Variants in WNT9A observed in about 807,000 individuals in gnomAD.
WNT9A encodes the protein Wnt family member 9A, also known as protein Wnt-9a.
WNT9A carries 8 observed loss-of-function variants against 31.4 expected under a neutral mutation model. That is an observed-to-expected ratio of 0.26 (90% CI 0.15 to 0.46). WNT9A has a LOEUF of 0.46. Among genes scored for constraint, WNT9A ranks in the 20% least tolerant of loss-of-function variants. WNT9A has a pLI of 0.99. For synonymous variants in WNT9A, 236 were observed against 220.1 expected (o/e 1.07, Z -0.64); for missense variants, 457 against 522.9 (o/e 0.87, Z 1.23).
chr1:227,921,616 C>A lies in WNT9A; in HGVS notation c.1000G>T (p.Val334Leu). Residue 334 changes from valine to leucine, a missense_variant, in exon 4 of 4, where the codon GTG becomes TTG. Transcript: ENST00000272164. ...TGGCACTGGCAGGGCCTTGTCACCA[C>A]CCGGCTCTGTGTGTTATGGCCGCGG... ...CGRGHNTQSRVVTRPCQCQVR... is the reference protein window; with the variant it reads ...CGRGHNTQSRLVTRPCQCQVR... 1 of 1,613,486 alleles carries A rather than the reference C, an allele frequency of 6.2e-7. No homozygotes were observed. The highest frequency in any genetic ancestry group is 8.5e-7 in the Non-Finnish European group (1 of 1,180,008).
rs1666280514 is a variant in WNT9A, at chr1:227,919,891, C to G, written c.*1627G>C. 6.6e-6 allele frequency: 1 copy of G among 152,428 alleles called. No individual in the cohort carries two copies. The highest frequency in any genetic ancestry group is 1.5e-5 in the Non-Finnish European group (1 of 68,272). 9.4% of individuals were successfully genotyped at this position (152,428 alleles called of 1,614,324 possible). A position where few individuals can be genotyped will look rare whatever the true frequency, so the allele number is the denominator to read the frequency against. ...ACTACACCCTCAAACCAAGCCAGGT[C>G]AGTGCAGGTCACCCTGTCCCCAGCA... On this transcript the variant is annotated 3_prime_UTR_variant, in exon 4 of 4. Coordinates refer to ENST00000272164, the MANE Select transcript of WNT9A (RefSeq NM_003395.4).
intron 1 of WNT9A, among the ~76,000 whole-genome samples, chr1:227,946,569 C>T (rs1456574382): frequency 6.6e-6 from 1 of 152,178 alleles, no homozygotes; most frequent in African/African-American, 2.4e-5. Flanking sequence ...CGGGTGGGGG[C>T]CCCAGGGAAC....
intron 1 of WNT9A, among the ~76,000 whole-genome samples, chr1:227,933,611 G>C (rs747343863): frequency 6.6e-6 from 1 of 152,130 alleles, no homozygotes; most frequent in Non-Finnish European, 1.5e-5. Flanking sequence ...AGGGACGTGC[G>C]ACTCTCCCTT....
chr1:227,922,035 G>A (rs367989166), intron 3 of WNT9A, 35 bp from the exon 4 acceptor site: 6 of 1,566,944 alleles, frequency 3.8e-6, no homozygotes, highest in South Asian at 3.6e-5. Flanking sequence ...GGCAGTGTGA[G>A]GGCTGTGCAG....
At chr1:227,930,545 A>G (rs71650369) in intron 1 of WNT9A, among the ~76,000 whole-genome samples, 3 of 152,172 alleles carry the variant, frequency 2.0e-5, no homozygotes, top group Non-Finnish European at 4.4e-5. Flanking sequence ...ATCTAAAAAC[A>G]AACTAACAAA....
At chr1:227,929,844 GC>G (rs1572128413) in intron 1 of WNT9A, among the ~76,000 whole-genome samples, 1 of 152,132 alleles carries the variant, frequency 6.6e-6, no homozygotes, top group African/African-American at 2.4e-5. Context: ...AGAGACCCTT[GC>G]CTCTTCTGCC....
At position 227,942,759 on chromosome 1, in the gene WNT9A, T is replaced by A. The variant is rs189526430; in HGVS notation, c.95+5034A>T. 1.9e-4 allele frequency among the ~76,000 whole-genome samples: 29 copies of A among 151,858 alleles called. No homozygotes were observed. The East Asian group carries it at 5.1e-3, about 27-fold the overall frequency. ...GGGTGTCCTAAGTTGTTGGAGGGGG[T>A]GGGTCTCCAGGACAGTGCCTGCCCA... On this transcript the variant is annotated intron_variant, in intron 1 of 3. Coordinates refer to ENST00000272164, the MANE Select transcript of WNT9A (RefSeq NM_003395.4). This position sits in a 1 kb window ranked among gnomAD's most constrained non-coding sequence, Gnocchi z 5.7.
At chr1:227,930,573 C>A (rs1480649905) in intron 1 of WNT9A, among the ~76,000 whole-genome samples, 2 of 152,168 alleles carry the variant, frequency 1.3e-5, no homozygotes, top group Admixed American at 1.3e-4. Context: ...GCCTGCATCA[C>A]CCCGGTTTGC....
At chr1:227,946,529 G>A (rs1666795857) in intron 1 of WNT9A, among the ~76,000 whole-genome samples, 1 of 152,054 alleles carries the variant, frequency 6.6e-6, no homozygotes, top group Non-Finnish European at 1.5e-5. Flanking sequence ...GCCCAGGGCC[G>A]TACCCACAGT....
intron 2 of WNT9A, 81 bp from the exon 3 acceptor site, chr1:227,924,481 G>C: frequency 1.3e-6 from 2 of 1,515,174 alleles, no homozygotes; most frequent in Non-Finnish European, 8.9e-7. Flanking sequence ...ATCACCCCAA[G>C]AGTATGAATC....
At chr1:227,945,987 C>T (rs1666787688) in intron 1 of WNT9A, among the ~76,000 whole-genome samples, 1 of 152,224 alleles carries the variant, frequency 6.6e-6, no homozygotes, top group Non-Finnish European at 1.5e-5. Flanking sequence ...CAGCTGTCCC[C>T]AAAGGCAGCA....
chr1:227,927,033 T>C (rs931395720), intron 1 of WNT9A, among the ~76,000 whole-genome samples: 3 of 152,076 alleles, frequency 2.0e-5, no homozygotes, highest in Non-Finnish European at 4.4e-5. Context: ...ACCCACCTGG[T>C]GGTCATGCTG....
chr1:227,941,402 A>G (rs1459561859), intron 1 of WNT9A, among the ~76,000 whole-genome samples: 2 of 145,474 alleles, frequency 1.4e-5, no homozygotes, highest in African/African-American at 2.6e-5. Context: ...ACCAGGGAGA[A>G]TAGAATGCAT....
At chr1:227,922,805 T>C (rs1666345776) in intron 3 of WNT9A, among the ~76,000 whole-genome samples, 1 of 152,046 alleles carries the variant, frequency 6.6e-6, no homozygotes, top group Non-Finnish European at 1.5e-5. Context: ...CCTTCCCAGG[T>C]GGGACCCGAG....
intron 1 of WNT9A, among the ~76,000 whole-genome samples, chr1:227,927,470 AG>A (rs1227057852): frequency 1.3e-5 from 2 of 152,196 alleles, no homozygotes; most frequent in African/African-American, 2.4e-5. Context: ...CAGTGCAGGC[AG>A]GTCCCCTCAA....
Position 227,920,663 on chromosome 1 carries a change from G to A in WNT9A, c.*855C>T, listed in dbSNP as rs943588506. On this transcript the variant is annotated 3_prime_UTR_variant, in exon 4 of 4. Coordinates refer to ENST00000272164, the MANE Select transcript of WNT9A (RefSeq NM_003395.4). ...AGCCTGGGCCAGGCCAGTCCCCAACGGGTGGCCCACACGGAGGCCGCATGG... is the reference window on the plus strand; with the variant it reads ...AGCCTGGGCCAGGCCAGTCCCCAACAGGTGGCCCACACGGAGGCCGCATGG... 3 of 152,230 alleles carry A rather than the reference G, an allele frequency of 2.0e-5. No homozygotes were observed. The allele number at this position is 152,230 out of a possible 1,614,324, so 9.4% of individuals were successfully genotyped here. A position where few individuals can be genotyped will look rare whatever the true frequency, so the allele number is the denominator to read the frequency against.
At chr1:227,940,302 C>G (rs369632101) in intron 1 of WNT9A, among the ~76,000 whole-genome samples, 1 of 152,186 alleles carries the variant, frequency 6.6e-6, no homozygotes, top group Non-Finnish European at 1.5e-5. Context: ...CAGGACCCCC[C>G]GGGGGAAAGG....
rs1021341060 is a variant in WNT9A at position 227,942,279 on chromosome 1, C to A, written c.95+5514G>T. Among the ~76,000 whole-genome samples the A allele has an allele frequency of 6.6e-6, 1 of 152,176 alleles. No homozygotes were observed. Among genetic ancestry groups the A allele is most frequent in the Non-Finnish European group, 1.5e-5 (1 of 68,010 alleles). ...CGTCCTTACCACACACCCTCCACAC[C>A]CTCCAGGGAGCCAGGACCCCCAAGC... On this transcript the variant is annotated intron_variant, in intron 1 of 3. Coordinates refer to ENST00000272164, the MANE Select transcript of WNT9A (RefSeq NM_003395.4). The surrounding 1 kb of genome is among the most constrained non-coding windows in gnomAD (Gnocchi z 5.7).
chr1:227,921,599 G>A lies in WNT9A; in HGVS notation c.1017C>T (p.Cys339=), dbSNP rs746982258. The change falls in exon 4 of 4, where the codon TGC becomes TGT. Residue 339 remains cysteine, a synonymous_variant. Coordinates refer to ENST00000272164, the MANE Select transcript of WNT9A (RefSeq NM_003395.4). ...AGCAGCACCAACGCACCTGGCACTG[G>A]CAGGGCCTTGTCACCACCCGGCTCT... is the stretch of plus-strand genomic sequence containing the variant. ...NTQSRVVTRP[C]QCQVRWCCYV... The A allele has an allele frequency of 5.0e-6, 8 of 1,613,402 alleles. No homozygotes were observed. In the Admixed American group the frequency reaches 8.3e-5, roughly 17 times the overall value.
Sources: gnomAD v4.1 joint callset for allele counts (sites outside exome capture counted in the v4.1 genomes callset) on GRCh38, gnomAD v4.1.1 for gene constraint, Gnocchi (gnomAD v3.1) non-coding constraint, MANE v1.5 for transcripts, NCBI Gene and HGNC (gene_info 2026-07-23, HGNC 2026-07-21) for gene names.